The following PTGFRN variants were observed in gnomAD, a reference collection of about 807,000 sequenced individuals.
PTGFRN encodes prostaglandin F2 receptor inhibitor.
Under a neutral mutation model 83.2 loss-of-function variants are expected in PTGFRN, and 35 were observed. The ratio of observed to expected loss-of-function variants is 0.42; its 90% CI spans 0.32 to 0.56. The LOEUF (loss-of-function observed/expected upper bound fraction) is 0.56, where lower values mean the gene tolerates loss of function less well. Ranked by LOEUF, PTGFRN falls within the 20% of genes least tolerant of loss-of-function variation. PTGFRN has a pLI of 0.11. For missense variants in PTGFRN, 1,051 were observed against 1,179.5 expected (o/e 0.89, Z 1.60); for synonymous variants, 519 against 498.6 (o/e 1.04, Z -0.55).
chr1:116,955,483 A>G (rs1050250281), intron 4 of PTGFRN, among the ~76,000 whole-genome samples: 3 of 152,212 alleles, frequency 2.0e-5, no homozygotes, highest in Non-Finnish European at 4.4e-5. Context: ...ACACACACAC[A>G]AAAACACACA....
intron 4 of PTGFRN, among the ~76,000 whole-genome samples, 158 bp downstream of exon 4, chr1:116,949,730 A>T (rs1467044081): frequency 1.3e-5 from 2 of 152,238 alleles, no homozygotes; most frequent in Admixed American, 1.3e-4. Context: ...CAAGCTGGGG[A>T]TGAAATAGAA....
At chr1:116,911,559 TGCTTCA>T (rs1649273342) in intron 1 of PTGFRN, among the ~76,000 whole-genome samples, 1 of 152,208 alleles carries the variant, frequency 6.6e-6, no homozygotes, top group African/African-American at 2.4e-5. Flanking sequence ...CCAGCCACAT[TGCTTCA>T]GCTTCAGCCC....
chr1:116,940,186 T>C (rs997218094), intron 1 of PTGFRN, among the ~76,000 whole-genome samples: 2 of 152,220 alleles, frequency 1.3e-5, no homozygotes, highest in African/African-American at 4.8e-5. Context: ...CAGACATTTA[T>C]TGCCTCACAA....
chr1:116,917,933 G>A (rs972718312), intron 1 of PTGFRN, among the ~76,000 whole-genome samples: 1 of 152,060 alleles, frequency 6.6e-6, no homozygotes, highest in African/African-American at 2.4e-5. Flanking sequence ...TTCTTTATCT[G>A]CACACATATA....
chr1:116,971,159 T>C (rs1650984033), intron 6 of PTGFRN, among the ~76,000 whole-genome samples: 1 of 152,224 alleles, frequency 6.6e-6, no homozygotes, highest in South Asian at 2.1e-4. Flanking sequence ...GATCAAGCTG[T>C]ACATACAATT....
chr1:116,970,830 C>G (rs6674186), intron 6 of PTGFRN, among the ~76,000 whole-genome samples: 28,492 of 152,052 alleles, frequency 0.19, 3,194 homozygotes, highest in East Asian at 0.4. Flanking sequence ...CAAAGGGGTT[C>G]TTCCCATGTT....
rs900095460 is a variant in PTGFRN at position 116,910,071 on chromosome 1, C to T, written c.-133C>T. ...CCCAGCGCTGGGATTTATCGGCTCG[C>T]GAGGAGAGCGGAGCAGGCGCGCGGC... On this transcript the variant is annotated 5_prime_UTR_variant, in exon 1 of 9. Transcript: ENST00000393203. 9 of 991,190 alleles carry T rather than the reference C, an allele frequency of 9.1e-6. No homozygotes were observed. In the Admixed American group the frequency reaches 1.4e-4, roughly 16 times the overall value. 61.4% of individuals were successfully genotyped at this position (991,190 alleles called of 1,614,324 possible). A position where few individuals can be genotyped will look rare whatever the true frequency, so the allele number is the denominator to read the frequency against.
chr1:116,937,778 A>G (rs1019795879), intron 1 of PTGFRN, among the ~76,000 whole-genome samples: 2 of 152,206 alleles, frequency 1.3e-5, no homozygotes, highest in African/African-American at 4.8e-5. Flanking sequence ...AACCTAGCCA[A>G]GGAAGCAAGG....
At chr1:116,973,827 C>T (rs1339343822) in intron 6 of PTGFRN, among the ~76,000 whole-genome samples, 2 of 152,164 alleles carry the variant, frequency 1.3e-5, no homozygotes, top group African/African-American at 2.4e-5. Flanking sequence ...CAAAAGCTTT[C>T]TTGCTTCAGT....
intron 1 of PTGFRN, among the ~76,000 whole-genome samples, chr1:116,919,268 G>A (rs1649480970): frequency 6.6e-6 from 1 of 152,188 alleles, no homozygotes; most frequent in Non-Finnish European, 1.5e-5. Context: ...AGTAACCTAT[G>A]ACTAAGATGA....
At chr1:116,960,830 C>T (rs1464439066) in intron 4 of PTGFRN, among the ~76,000 whole-genome samples, 1 of 152,020 alleles carries the variant, frequency 6.6e-6, no homozygotes, top group Admixed American at 6.5e-5. Context: ...CGATACTGTT[C>T]CAGTGGGGGT....
intron 1 of PTGFRN, among the ~76,000 whole-genome samples, chr1:116,922,926 T>A (rs143494943): frequency 1.3e-5 from 2 of 152,186 alleles, no homozygotes; most frequent in Admixed American, 1.3e-4. Context: ...GTTATTTGAT[T>A]CTTTGGATTT....
intron 1 of PTGFRN, among the ~76,000 whole-genome samples, chr1:116,939,529 G>C (rs1650011646): frequency 6.6e-6 from 1 of 152,162 alleles, no homozygotes; most frequent in Non-Finnish European, 1.5e-5. Flanking sequence ...CCCTGGACCT[G>C]GCCCATGAAA....
At chr1:116,939,253 C>G (rs1470614607) in intron 1 of PTGFRN, among the ~76,000 whole-genome samples, 1 of 152,256 alleles carries the variant, frequency 6.6e-6, no homozygotes, top group Non-Finnish European at 1.5e-5. Context: ...TCCTTTTCCT[C>G]ACTGCCCTAG....
At chr1:116,940,849 G>A (rs1650041352) in intron 1 of PTGFRN, among the ~76,000 whole-genome samples, 1 of 152,198 alleles carries the variant, frequency 6.6e-6, no homozygotes, top group South Asian at 2.1e-4. Context: ...TGCTAAACAG[G>A]TAGTAAATAC....
intron 4 of PTGFRN, among the ~76,000 whole-genome samples, chr1:116,959,509 G>T (rs937664853): frequency 2.0e-5 from 3 of 152,160 alleles, no homozygotes; most frequent in Non-Finnish European, 4.4e-5. Flanking sequence ...CACAAGAAAA[G>T]TTCCTTGACC....
At chr1:116,949,081 A>G in intron 3 of PTGFRN, 111 bp from the exon 4 acceptor site, 2 of 1,356,828 alleles carry the variant, frequency 1.5e-6, no homozygotes, top group South Asian at 1.5e-5. Context: ...AAAGCCTTCT[A>G]ACTTTAATGC....
rs1429300324 is a variant in PTGFRN, at chr1:116,958,119, C to T, written c.1214-3124C>T. On this transcript the variant is annotated intron_variant, in intron 4 of 8. Transcript: ENST00000393203. This position sits in a 1 kb window ranked among gnomAD's most constrained non-coding sequence, Gnocchi z 4.9. ...AATTTTGACAGCCTTTGAAAAGGTG[C>T]CACTCTGAAAGAATCTGCACGGGGG... Among the ~76,000 whole-genome samples, 1 of 152,116 alleles carries T rather than the reference C, an allele frequency of 6.6e-6. No individual in the cohort carries two copies. The highest frequency in any genetic ancestry group is 2.4e-5 in the African/African-American group (1 of 41,412).
chr1:116,967,328 C>T lies in PTGFRN; in HGVS notation c.2057C>T (p.Ser686Leu). Residue 686 changes from serine (S) to leucine (L), a missense_variant and splice_region_variant, in exon 6 of 9, where the codon TCA (serine) becomes TTA (leucine). Around this residue, in one of 3 missense-constraint regions of PTGFRN, gnomAD observed 719 missense variants for 836.6 expected, o/e 0.86. Transcript: ENST00000393203. ...SNPIEIDFQTSGPIFNASVHS... is the reference protein window; with the variant it reads ...SNPIEIDFQTLGPIFNASVHS... ...CCTATTGAGATAGACTTCCAAACCT[C>T]AGGTGAGCAGTGAGCCCTGTTGAAT... is the stretch of plus-strand genomic sequence containing the variant. 6.2e-7 allele frequency: 1 copy of T among 1,606,924 alleles called. No homozygotes were observed. Among genetic ancestry groups the T allele is most frequent in the Non-Finnish European group, 8.5e-7 (1 of 1,174,436 alleles).
Sources: gnomAD v4.1 joint callset for allele counts (sites outside exome capture counted in the v4.1 genomes callset) on GRCh38, gnomAD v4.1.1 for gene constraint, gnomAD v4.1.1 regional missense constraint, Gnocchi (gnomAD v3.1) non-coding constraint, MANE v1.5 for transcripts, NCBI Gene and HGNC (gene_info 2026-07-23, HGNC 2026-07-21) for gene names.